Variants in LRRC4C observed in about 807,000 individuals in gnomAD.
LRRC4C encodes the protein leucine-rich repeat-containing protein 4C.
Under a neutral mutation model 33.6 loss-of-function variants are expected in LRRC4C, and 5 were observed. That is an observed-to-expected ratio of 0.15 (90% CI 0.08 to 0.31). LRRC4C has a LOEUF of 0.31. LRRC4C is among the 10% of genes least tolerant of loss of function. The pLI is 1.00. For missense variants in LRRC4C, 560 were observed against 796.7 expected (o/e 0.70, Z 3.58); for synonymous variants, 329 against 302.0 (o/e 1.09, Z -0.93).
intron 1 of LRRC4C, among the ~76,000 whole-genome samples, chr11:41,147,425 A>G (rs182589575): frequency 5.3e-5 from 8 of 152,300 alleles, no homozygotes; most frequent in Admixed American, 2.0e-4. Flanking sequence ...GTACTCCCCA[A>G]CCTAAAATAA....
chr11:40,386,255 T>G (rs1371975475), intron 3 of LRRC4C, among the ~76,000 whole-genome samples: 1 of 152,150 alleles, frequency 6.6e-6, no homozygotes. Context: ...CATGTAGATC[T>G]CACATTTGAC....
Position 40,588,605 on chromosome 11 carries a change from T to C in LRRC4C, c.-270+59537A>G, listed in dbSNP as rs573224163. ...TTTGGATCTTTCCTGCTTTCTCTTG[T>C]GGGTATTTAGTGCTATAAATTTCCC... On this transcript the variant is annotated intron_variant, in intron 3 of 6. Transcript: ENST00000528697. Among the ~76,000 whole-genome samples the C allele has an allele frequency of 3.3e-5, 5 of 152,032 alleles. No individual in the cohort carries two copies. The South Asian group carries it at 1.0e-3, about 32-fold the overall frequency.
chr11:40,740,898 C>T (rs551860724), intron 2 of LRRC4C, among the ~76,000 whole-genome samples: 21 of 152,086 alleles, frequency 1.4e-4, no homozygotes, highest in African/African-American at 4.6e-4. Context: ...TACATTCCCC[C>T]CATTGGTACC....
intron 5 of LRRC4C, among the ~76,000 whole-genome samples, chr11:40,151,744 C>T (rs1321419921): frequency 6.6e-6 from 1 of 152,054 alleles, no homozygotes; most frequent in African/African-American, 2.4e-5. Context: ...CTTTTGGATT[C>T]TGGGGAAGAA....
At chr11:40,441,253 G>A (rs1410545046) in intron 3 of LRRC4C, among the ~76,000 whole-genome samples, 1 of 152,122 alleles carries the variant, frequency 6.6e-6, no homozygotes, top group Non-Finnish European at 1.5e-5. Flanking sequence ...GTAGATATTT[G>A]CTCAACTGCT....
In LRRC4C at chr11:41,295,346, C is replaced by T. The variant is rs565487199; in HGVS notation, c.-496+164085G>A. ...CTGAGTCAATAGAATATACAATATG[C>T]GGTAAAAAAAAGCAGATAGTAAATA... On this transcript the variant is annotated intron_variant, in intron 1 of 6. Coordinates refer to ENST00000528697, the MANE Select transcript of LRRC4C (RefSeq NM_001258419.2). Among the ~76,000 whole-genome samples, 19 of 151,914 alleles carry T rather than the reference C, an allele frequency of 1.3e-4. No individual in the cohort carries two copies. The South Asian group carries it at 3.7e-3, about 30-fold the overall frequency.
chr11:40,606,245 C>T (rs889640765), intron 3 of LRRC4C, among the ~76,000 whole-genome samples: 11 of 152,206 alleles, frequency 7.2e-5, no homozygotes, highest in South Asian at 2.1e-4. Flanking sequence ...CTTATTGTAG[C>T]GCTAGAGAAG....
chr11:40,942,805 T>A (rs1377022107), intron 1 of LRRC4C, among the ~76,000 whole-genome samples: 1 of 152,060 alleles, frequency 6.6e-6, no homozygotes, highest in Non-Finnish European at 1.5e-5. Context: ...ATACTAGTAA[T>A]AAAGAAAAGA....
intron 1 of LRRC4C, among the ~76,000 whole-genome samples, chr11:41,215,608 G>A (rs1433403003): frequency 6.6e-6 from 1 of 151,740 alleles, no homozygotes; most frequent in Admixed American, 6.6e-5. Context: ...CCTATGTTTG[G>A]CATTTCTTAC....
chr11:40,429,364 G>A (rs1459924005), intron 3 of LRRC4C, among the ~76,000 whole-genome samples: 1 of 152,138 alleles, frequency 6.6e-6, no homozygotes, highest in Non-Finnish European at 1.5e-5. Flanking sequence ...TTGAGCCACT[G>A]CGCCTGGCCC....
At chr11:40,298,920 A>G (rs1233854684) in intron 4 of LRRC4C, among the ~76,000 whole-genome samples, 2 of 152,130 alleles carry the variant, frequency 1.3e-5, no homozygotes, top group Non-Finnish European at 2.9e-5. Flanking sequence ...CCATGATGCA[A>G]TCACCTCCCA....
At chr11:41,023,772 T>C (rs796739246) in intron 1 of LRRC4C, among the ~76,000 whole-genome samples, 28 of 151,990 alleles carry the variant, frequency 1.8e-4, no homozygotes, top group African/African-American at 6.3e-4. Flanking sequence ...ATTGCTTATG[T>C]TGAAAAATAT....
chr11:40,221,455 G>A (rs1243653370), intron 5 of LRRC4C, among the ~76,000 whole-genome samples: 1 of 152,102 alleles, frequency 6.6e-6, no homozygotes, highest in African/African-American at 2.4e-5. Flanking sequence ...TGGGAGGCAG[G>A]AGAGTTCAGT....
rs200043868 is a variant in LRRC4C, at chr11:40,630,330, CTCTTCTTCTTCTTCTTCTTCT to C, written c.-270+17791_-270+17811del. On this transcript the variant is annotated intron_variant, in intron 3 of 6. Coordinates refer to ENST00000528697, the MANE Select transcript of LRRC4C (RefSeq NM_001258419.2). Reference sequence around the variant, plus strand: ...TTATTACTTGTTTTCTTTCTTCTTCCTCTTCTTCTTCTTCTTCTTCTTCTTCTTCTTCTTCTTCTTCTTCTT... The same window carrying C: ...TTATTACTTGTTTTCTTTCTTCTTCCTCTTCTTCTTCTTCTTCTTCTTCTT... Among the ~76,000 whole-genome samples, 1,117 of 135,550 alleles carry C rather than the reference CTCTTCTTCTTCTTCTTCTTCT, an allele frequency of 8.2e-3. 18 individuals are homozygous for C. The highest frequency in any genetic ancestry group is 0.011 in the Non-Finnish European group (719 of 64,510). The allele number at this position is 135,550 out of a possible 152,430, so 88.9% of individuals were successfully genotyped here. A position where few individuals can be genotyped will look rare whatever the true frequency, so the allele number is the denominator to read the frequency against.
At chr11:40,871,481 T>C (rs1480810084) in intron 2 of LRRC4C, among the ~76,000 whole-genome samples, 1 of 152,018 alleles carries the variant, frequency 6.6e-6, no homozygotes, top group Non-Finnish European at 1.5e-5. Context: ...TTAGGGAAAA[T>C]AGAAAAGAAC....
intron 6 of LRRC4C, among the ~76,000 whole-genome samples, chr11:40,130,793 G>T (rs1373655184): frequency 6.6e-6 from 1 of 152,140 alleles, no homozygotes; most frequent in African/African-American, 2.4e-5. Flanking sequence ...GCTGCAGTGT[G>T]TTCCGACTCT....
intron 6 of LRRC4C, among the ~76,000 whole-genome samples, chr11:40,140,223 T>C (rs961379786): frequency 6.6e-6 from 1 of 152,200 alleles, no homozygotes; most frequent in Non-Finnish European, 1.5e-5. Context: ...CAATAAATCA[T>C]AGAGCAAAGA....
intron 3 of LRRC4C, among the ~76,000 whole-genome samples, chr11:40,404,546 C>G (rs1027571869): frequency 1.3e-5 from 2 of 152,040 alleles, no homozygotes; most frequent in African/African-American, 4.8e-5. Context: ...TGAAGCGCTC[C>G]TCTTGTGACT....
At chr11:40,627,393 T>A (rs1313536833) in intron 3 of LRRC4C, among the ~76,000 whole-genome samples, 1 of 152,148 alleles carries the variant, frequency 6.6e-6, no homozygotes, top group African/African-American at 2.4e-5. Context: ...AATCTACAGT[T>A]GAACGTCTTT....
Sources: gnomAD v4.1 joint callset for allele counts (sites outside exome capture counted in the v4.1 genomes callset) on GRCh38, gnomAD v4.1.1 for gene constraint, MANE v1.5 for transcripts, NCBI Gene and HGNC (gene_info 2026-07-23, HGNC 2026-07-21) for gene names.